The following MEIS1 variants were observed in gnomAD, a reference collection of about 807,000 sequenced individuals.
MEIS1 encodes Meis homeobox 1, also known as homeobox protein Meis1.
MEIS1 carries 5 observed loss-of-function variants against 50.8 expected under a neutral mutation model. The ratio of observed to expected loss-of-function variants is 0.10; its 90% CI spans 0.05 to 0.21. The LOEUF (loss-of-function observed/expected upper bound fraction) is 0.21, where lower values mean the gene tolerates loss of function less well. Ranked by LOEUF, MEIS1 falls within the 10% of genes least tolerant of loss-of-function variation. MEIS1 has a pLI of 1.00. For synonymous variants in MEIS1, 176 were observed against 179.3 expected (o/e 0.98, Z 0.15); for missense variants, 318 against 517.3 (o/e 0.61, Z 3.74).
chr2:66,473,026 G>C (rs1345320131), intron 7 of MEIS1, among the ~76,000 whole-genome samples: 1 of 152,080 alleles, frequency 6.6e-6, no homozygotes, highest in South Asian at 2.1e-4. Context: ...AGGACTACAA[G>C]GGCAGTGAAT....
At chr2:66,476,237 G>A (rs943809772) in intron 7 of MEIS1, among the ~76,000 whole-genome samples, 1 of 152,164 alleles carries the variant, frequency 6.6e-6, no homozygotes, top group Non-Finnish European at 1.5e-5. Flanking sequence ...GAGGGAATAT[G>A]ACTTCAGCCT....
At chr2:66,547,614 G>C (rs899041179) in intron 8 of MEIS1, among the ~76,000 whole-genome samples, 2 of 152,110 alleles carry the variant, frequency 1.3e-5, no homozygotes, top group African/African-American at 4.8e-5. Context: ...CTTTTAGGTG[G>C]TAACAAATGG....
chr2:66,549,075 C>A (rs1421491675), intron 9 of MEIS1, among the ~76,000 whole-genome samples: 2 of 152,060 alleles, frequency 1.3e-5, no homozygotes, highest in African/African-American at 2.4e-5. Context: ...AGCCTGGGAG[C>A]CTTTGGGAGA....
Position 66,509,014 on chromosome 2 carries a change from C to T in MEIS1, c.743-3135C>T, listed in dbSNP as rs78219923. The stretch of plus-strand genomic sequence containing the variant: ...TGCCTGCTGCCGTGTGGTCGGCCGG[C>T]GGTTCTCCAAGTTTGTTTAGTGATC... On this transcript the variant is annotated intron_variant, in intron 7 of 12. Coordinates refer to ENST00000272369, the MANE Select transcript of MEIS1 (RefSeq NM_002398.3). 2,765 of 471,042 alleles carry T rather than the reference C, an allele frequency of 5.9e-3. 69 individuals are homozygous for T. Among genetic ancestry groups the T allele is most frequent in the African/African-American group, 0.05 (2,491 of 50,140 alleles). 29.2% of individuals were successfully genotyped at this position (471,042 alleles called of 1,614,324 possible). A position where few individuals can be genotyped will look rare whatever the true frequency, so the allele number is the denominator to read the frequency against.
At chr2:66,495,770 G>A (rs1673387709) in intron 7 of MEIS1, among the ~76,000 whole-genome samples, 1 of 152,164 alleles carries the variant, frequency 6.6e-6, no homozygotes, top group Admixed American at 6.5e-5. Context: ...CACCCCCACT[G>A]TTAAGAGTGA....
At chr2:66,470,660 TA>T (rs1478041487) in intron 7 of MEIS1, among the ~76,000 whole-genome samples, 1 of 152,240 alleles carries the variant, frequency 6.6e-6, no homozygotes, top group Non-Finnish European at 1.5e-5. Flanking sequence ...TTCTCATTAT[TA>T]GGCAACATCA....
intron 8 of MEIS1, among the ~76,000 whole-genome samples, chr2:66,532,701 T>C (rs1359108626): frequency 2.0e-5 from 3 of 152,174 alleles, no homozygotes; most frequent in African/African-American, 7.2e-5. Flanking sequence ...AATATATGCA[T>C]GTAATAGTCG....
chr2:66,540,891 T>A (rs1460217054), intron 8 of MEIS1, among the ~76,000 whole-genome samples: 2 of 152,120 alleles, frequency 1.3e-5, no homozygotes, highest in Non-Finnish European at 2.9e-5. Flanking sequence ...AAATTCCAAA[T>A]ACAAAGGACT....
intron 7 of MEIS1, among the ~76,000 whole-genome samples, chr2:66,507,920 AG>A (rs1673723580): frequency 1.3e-5 from 2 of 152,368 alleles, no homozygotes; most frequent in Admixed American, 6.5e-5. Flanking sequence ...CTTGCTCCGT[AG>A]GGACAGGCCC....
At chr2:66,528,443 C>A (rs1048309517) in intron 8 of MEIS1, among the ~76,000 whole-genome samples, 2 of 152,104 alleles carry the variant, frequency 1.3e-5, no homozygotes, top group Non-Finnish European at 2.9e-5. Context: ...TCATGGCTCC[C>A]AAACTGGCTC....
intron 8 of MEIS1, among the ~76,000 whole-genome samples, chr2:66,523,774 G>A (rs754558467): frequency 4.6e-5 from 7 of 152,226 alleles, no homozygotes; most frequent in Non-Finnish European, 1.0e-4. Flanking sequence ...AACATGTCAC[G>A]TAGGTTGACT....
intron 7 of MEIS1, among the ~76,000 whole-genome samples, chr2:66,506,563 G>T (rs552672356): frequency 2.0e-5 from 3 of 152,262 alleles, no homozygotes; most frequent in African/African-American, 7.2e-5. Flanking sequence ...AGGCTAAGAA[G>T]TATAACCTTT....
intron 9 of MEIS1, among the ~76,000 whole-genome samples, chr2:66,552,958 G>A (rs1163491864): frequency 6.6e-6 from 1 of 152,100 alleles, no homozygotes; most frequent in Non-Finnish European, 1.5e-5. Context: ...ACATTTTACA[G>A]ATGTTGTTTG....
intron 8 of MEIS1, among the ~76,000 whole-genome samples, chr2:66,515,613 G>A (rs1572869650): frequency 6.6e-6 from 1 of 152,056 alleles, no homozygotes. Context: ...AAAAGAAAAA[G>A]GAAACGAGTT....
In MEIS1 at chr2:66,571,343, T is replaced by A. The variant is rs1301172665; in HGVS notation, c.*135T>A. On this transcript the variant is annotated 3_prime_UTR_variant, in exon 13 of 13. Transcript: ENST00000272369. Reference sequence around the variant, plus strand: ...ATACCCAACCCCAGATGCCCCCCCATCCTGCTCAGCTGCGTCATGGGCCCC... The same window carrying A: ...ATACCCAACCCCAGATGCCCCCCCAACCTGCTCAGCTGCGTCATGGGCCCC... The A allele has an allele frequency of 1.2e-6, 2 of 1,600,254 alleles. No individual in the cohort carries two copies. The highest frequency in any genetic ancestry group is 1.7e-5 in the Admixed American group (1 of 57,428).
intron 8 of MEIS1, among the ~76,000 whole-genome samples, chr2:66,516,564 T>C (rs1247189703): frequency 6.7e-6 from 1 of 149,250 alleles, no homozygotes; most frequent in Non-Finnish European, 1.5e-5. Context: ...TGTGCACTTC[T>C]AGCCTGGAAA....
At chr2:66,452,820 A>G (rs1484415276) in intron 6 of MEIS1, among the ~76,000 whole-genome samples, 1 of 151,906 alleles carries the variant, frequency 6.6e-6, no homozygotes, top group African/African-American at 2.4e-5. Context: ...TGGGTTTTTA[A>G]AAGCTGTGTT....
intron 2 of MEIS1, 99 bp from the exon 3 acceptor site, chr2:66,439,744 C>A: frequency 6.3e-7 from 1 of 1,599,098 alleles, no homozygotes; most frequent in Non-Finnish European, 8.5e-7. Context: ...GAGAGGGGGT[C>A]TGTTCCTCTT....
rs190260339 is a variant in MEIS1, at chr2:66,441,684, T to C, written c.483+220T>C. 4.1e-4 allele frequency: 206 copies of C among 508,020 alleles called. 1 individual carries two copies. The highest frequency in any genetic ancestry group is 4.0e-3 in the African/African-American group (197 of 49,276). 31.5% of individuals were successfully genotyped at this position (508,020 alleles called of 1,614,324 possible). On this transcript the variant is annotated intron_variant, in intron 5 of 12. Coordinates refer to ENST00000272369, the MANE Select transcript of MEIS1 (RefSeq NM_002398.3). ...GGATCACAAACGCCCTAGCCTTGTG[T>C]TCATTCTTAATAACTTGCTGGCTTT... is the stretch of plus-strand genomic sequence containing the variant.
Sources: gnomAD v4.1 joint callset for allele counts (sites outside exome capture counted in the v4.1 genomes callset) on GRCh38, gnomAD v4.1.1 for gene constraint, MANE v1.5 for transcripts, NCBI Gene and HGNC (gene_info 2026-07-23, HGNC 2026-07-21) for gene names.